The following ADAMTSL2 variants were observed in gnomAD, a reference collection of about 807,000 sequenced individuals.
ADAMTSL2 encodes ADAMTS like 2, also known as ADAMTS-like protein 2.
In ADAMTSL2, 55 loss-of-function variants were observed where a neutral mutation model predicts 117.0. The observed-to-expected ratio is 0.47, with a 90% confidence interval of 0.38 to 0.59. The LOEUF (loss-of-function observed/expected upper bound fraction) is 0.59, where lower values mean the gene tolerates loss of function less well. ADAMTSL2 is among the 20% of genes least tolerant of loss of function. The pLI is 0.00. For missense variants in ADAMTSL2, 1,182 were observed against 1,354.5 expected (o/e 0.87, Z 2.00); for synonymous variants, 572 against 566.4 (o/e 1.01, Z -0.14).
intron 12 of ADAMTSL2, among the ~76,000 whole-genome samples, chr9:133,562,111 G>A (rs897653406): frequency 6.6e-5 from 10 of 152,164 alleles, no homozygotes; most frequent in Non-Finnish European, 1.3e-4. Flanking sequence ...TCCTGGTCCC[G>A]CCCCAGTGCC....
chr9:133,555,886 C>T lies in ADAMTSL2; in HGVS notation c.1605C>T (p.Ser535=). Residue 535 remains serine (S), a synonymous_variant, in exon 11 of 19, where the codon AGC becomes AGT. Coordinates refer to ENST00000651351, the MANE Select transcript of ADAMTSL2 (RefSeq NM_014694.4). ...SSSEAPFPNV[S]TSLLTSAGNR... ...CCGAGGCCCCATTCCCCAACGTTAG[C>T]ACCAGCCTGCTCACCTCGGCCGGGA... The T allele has an allele frequency of 6.2e-7, 1 of 1,613,112 alleles. No individual in the cohort carries two copies. Among genetic ancestry groups the T allele is most frequent in the East Asian group, 2.2e-5 (1 of 44,886 alleles).
At chr9:133,566,129 C>T (rs970326372) in intron 12 of ADAMTSL2, among the ~76,000 whole-genome samples, 1 of 152,220 alleles carries the variant, frequency 6.6e-6, no homozygotes, top group South Asian at 2.1e-4. Context: ...CCAACAAAGA[C>T]AGGCACACAG....
At position 133,554,993 on chromosome 9, in the gene ADAMTSL2, A is replaced by G. The variant is rs1210027608; in HGVS notation, c.1276+300A>G. On this transcript the variant is annotated intron_variant, in intron 10 of 18. Coordinates refer to ENST00000651351, the MANE Select transcript of ADAMTSL2 (RefSeq NM_014694.4). This position sits in a 1 kb window ranked among gnomAD's most constrained non-coding sequence, Gnocchi z 5.2. ...TCCACCGTGGAGGAGCTGGGAGTCAAATGCAGGATGGTCTGATCTCTCGCT... is the reference window on the plus strand; with the variant it reads ...TCCACCGTGGAGGAGCTGGGAGTCAGATGCAGGATGGTCTGATCTCTCGCT... Among the ~76,000 whole-genome samples, 1 of 152,044 alleles carries G rather than the reference A, an allele frequency of 6.6e-6. No individual in the cohort carries two copies. Among genetic ancestry groups the G allele is most frequent in the African/African-American group, 2.4e-5 (1 of 41,408 alleles).
At chr9:133,539,671 C>CCGGCTGTCCCGGCTGTCT in intron 4 of ADAMTSL2, 100 bp from the exon 5 acceptor site, 2 of 1,243,090 alleles carry the variant, frequency 1.6e-6, no homozygotes, top group Non-Finnish European at 2.3e-6. Context: ...CCCGGCTGTC[C>CCGGCTGTCCCGGCTGTCT]CGGCTGTCCC....
At chr9:133,543,706 CT>C (rs1240822440) in intron 7 of ADAMTSL2, among the ~76,000 whole-genome samples, 2 of 152,238 alleles carry the variant, frequency 1.3e-5, no homozygotes, top group Non-Finnish European at 2.9e-5. Context: ...AGCGTCAAGC[CT>C]CAGGAAACGT....
chr9:133,572,724 C>T (rs1831138238), intron 17 of ADAMTSL2, among the ~76,000 whole-genome samples: 1 of 152,148 alleles, frequency 6.6e-6, no homozygotes, highest in South Asian at 2.1e-4. Flanking sequence ...CAGGGCCAGA[C>T]GAGGTGCAGC....
Position 133,570,357 on chromosome 9 carries a change from C to G in ADAMTSL2, c.2442C>G (p.Val814=). ...GCAACACCACCTGCGGGCGCGGGGT[C>G]AAGAAGCGGCTGGTGCTCTGCATGG... ...ERCNTTCGRG[V]KKRLVLCMEL... is the part of the protein sequence containing the mutation. The change falls in exon 17 of 19, where the codon GTC becomes GTG. Residue 814 remains valine (V), a synonymous_variant. Transcript: ENST00000651351. The G allele has an allele frequency of 6.4e-7, 1 of 1,550,910 alleles. No homozygotes were observed.
intron 4 of ADAMTSL2, among the ~76,000 whole-genome samples, chr9:133,538,894 A>G (rs532894425): frequency 1.3e-5 from 2 of 152,214 alleles, no homozygotes; most frequent in East Asian, 1.9e-4. Context: ...CCGAGGCTGA[A>G]GAGGAGGTTC....
rs1319246485 is a variant in ADAMTSL2 at position 133,558,995 on chromosome 9, C to G, written c.1650-2203C>G. On this transcript the variant is annotated intron_variant, in intron 11 of 18. Transcript: ENST00000651351. The surrounding 1 kb of genome is among the most constrained non-coding windows in gnomAD (Gnocchi z 4.3). ...AGGGTTATTTTGAACCGGGCCCGCT[C>G]TCTCTTGAGTCAGGCATGAGTCATG... Among the ~76,000 whole-genome samples, 5 of 152,210 alleles carry G rather than the reference C, an allele frequency of 3.3e-5. No homozygotes were observed. The highest frequency in any genetic ancestry group is 1.2e-4 in the African/African-American group (5 of 41,436).
At chr9:133,553,362 C>T (rs939203591) in intron 9 of ADAMTSL2, among the ~76,000 whole-genome samples, 1 of 152,202 alleles carries the variant, frequency 6.6e-6, no homozygotes, top group East Asian at 1.9e-4. Flanking sequence ...CTCCCGCCTT[C>T]CAGCTGCAGG....
intron 8 of ADAMTSL2, among the ~76,000 whole-genome samples, chr9:133,546,130 C>G (rs1412563524): frequency 1.3e-5 from 2 of 152,130 alleles, no homozygotes; most frequent in Non-Finnish European, 2.9e-5. Flanking sequence ...CCCTGCGTCC[C>G]CAGCCCTGGA....
intron 7 of ADAMTSL2, 66 bp from the exon 8 acceptor site, chr9:133,544,403 TG>T: frequency 7.7e-7 from 1 of 1,296,182 alleles, no homozygotes; most frequent in Non-Finnish European, 1.1e-6. Flanking sequence ...AGCTGTGGAG[TG>T]GGCGAGTGCC....
upstream of ADAMTSL2, chr9:133,534,685 CCGCCGGCGCA>C: frequency 7.4e-7 from 1 of 1,350,882 alleles, no homozygotes; most frequent in South Asian, 1.8e-5. Flanking sequence ...ATAAAGGCGG[CCGCCGGCGCA>C]GAGCCGCCAC....
At chr9:133,534,681 G>A, upstream of ADAMTSL2, 1 of 1,351,222 alleles carries the variant, frequency 7.4e-7, no homozygotes. Flanking sequence ...AGCTATAAAG[G>A]CGGCCGCCGG....
chr9:133,575,413 CA>C lies in ADAMTSL2; in HGVS notation c.*550del, dbSNP rs1376680994. 6.1e-6 allele frequency: 1 copy of C among 163,810 alleles called. No homozygotes were observed. The highest frequency in any genetic ancestry group is 1.3e-5 in the Non-Finnish European group (1 of 74,564). The allele number at this position is 163,810 out of a possible 1,614,324, so 10.1% of individuals were successfully genotyped here. ...TTCCCGCCGCACTTTCTACCCCGGG[CA>C]GAGGCGCTTGCCCACGGGACGTTTG... On this transcript the variant is annotated 3_prime_UTR_variant, in exon 19 of 19. Transcript: ENST00000651351.
chr9:133,570,555 A>ATGTCGATCCCGCCCCTCCC, intron 17 of ADAMTSL2, 48 bp downstream of exon 17: 1 of 1,565,004 alleles, frequency 6.4e-7, no homozygotes, highest in African/African-American at 1.4e-5. Context: ...CCAGACCTGA[A>ATGTCGATCCCGCCCCTCCC]TGTCGATCCC....
chr9:133,547,044 C>G lies in ADAMTSL2; in HGVS notation c.770C>G (p.Ala257Gly). The G allele has an allele frequency of 1.9e-6, 3 of 1,613,712 alleles. No individual in the cohort carries two copies. The highest frequency in any genetic ancestry group is 2.5e-6 in the Non-Finnish European group (3 of 1,179,728). The change falls in exon 9 of 19, where the codon GCA (alanine) becomes GGA (glycine). Residue 257 changes from alanine to glycine, a missense_variant. By Grantham distance (60) the Ala-to-Gly change is moderately conservative (BLOSUM62 0). Transcript: ENST00000651351. Reference protein sequence around the residue: ...RKKSADVLALADEAGYYFFNG... With the variant: ...RKKSADVLALGDEAGYYFFNG... ...GGCGGCTTTGCCCTTCCAGCTCTTG[C>G]AGACGAAGCTGGCTACTACTTCTTC...
Position 133,573,908 on chromosome 9 carries a change from C to T in ADAMTSL2, c.2658C>T (p.Ile886=), listed in dbSNP as rs1028560802. The T allele has an allele frequency of 5.0e-5, 81 of 1,614,132 alleles. 1 individual carries two copies. Among genetic ancestry groups the T allele is most frequent in the Non-Finnish European group, 3.7e-5 (44 of 1,180,022 alleles). The change falls in exon 18 of 19, where the codon ATC becomes ATT. Residue 886 remains isoleucine (I), a synonymous_variant. Transcript: ENST00000651351. ...RDVKCYQGTD[I]VRGCDPLVKP... is the part of the protein sequence containing the mutation. ...TCAAGTGCTACCAGGGGACCGACATCGTCCGTGGTTGCGATCCGTTGGTGA... is the reference window on the plus strand; with the variant it reads ...TCAAGTGCTACCAGGGGACCGACATTGTCCGTGGTTGCGATCCGTTGGTGA...
At chr9:133,556,075 C>A (rs957266794) in intron 11 of ADAMTSL2, 145 bp downstream of exon 11, 2 of 1,112,448 alleles carry the variant, frequency 1.8e-6, no homozygotes, top group East Asian at 2.6e-5. Flanking sequence ...CCCTTCTTCC[C>A]GGGGTTCTCC....
Sources: gnomAD v4.1 joint callset for allele counts (sites outside exome capture counted in the v4.1 genomes callset) on GRCh38, gnomAD v4.1.1 for gene constraint, Gnocchi (gnomAD v3.1) non-coding constraint, MANE v1.5 for transcripts, NCBI Gene and HGNC (gene_info 2026-07-23, HGNC 2026-07-21) for gene names.